The following MAGI2 variants were observed in gnomAD, a reference collection of about 807,000 sequenced individuals.
The protein encoded by MAGI2 is membrane associated guanylate kinase, WW and PDZ domain containing 2.
MAGI2 carries 35 observed loss-of-function variants against 133.3 expected under a neutral mutation model. The observed-to-expected ratio is 0.26, with a 90% CI of 0.20 to 0.35. MAGI2 has a LOEUF of 0.35. MAGI2 is among the 10% of genes least tolerant of loss of function. The probability of loss-of-function intolerance (pLI) is 1.00; values close to 1 mark genes in which losing one functional copy is unlikely to be tolerated. For missense variants in MAGI2, 1,636 were observed against 1,863.4 expected, an observed-to-expected ratio of 0.88 and a Z score of 2.25; for synonymous variants, 729 against 710.6, an observed-to-expected ratio of 1.03 and a Z score of -0.41.
chr7:78,107,128 A>G (rs1310731386), intron 20 of MAGI2, among the ~76,000 whole-genome samples: 1 of 152,000 alleles, frequency 6.6e-6, no homozygotes, highest in African/African-American at 2.4e-5. Context: ...TCCCCAATGT[A>G]TGTTCTTGGC....
chr7:78,150,036 T>A (rs1015508304), intron 16 of MAGI2, among the ~76,000 whole-genome samples: 1 of 152,322 alleles, frequency 6.6e-6, no homozygotes, highest in African/African-American at 2.4e-5. Context: ...TCCAACCAAG[T>A]ACTCAGAATA....
intron 2 of MAGI2, among the ~76,000 whole-genome samples, chr7:78,975,491 A>G (rs1462475892): frequency 2.6e-5 from 4 of 151,758 alleles, no homozygotes; most frequent in Non-Finnish European, 5.9e-5. Flanking sequence ...GAATGAAAAT[A>G]TAATTTATCA....
chr7:78,419,411 G>A (rs114409183), intron 6 of MAGI2, among the ~76,000 whole-genome samples: 122 of 151,968 alleles, frequency 8.0e-4, no homozygotes, highest in African/African-American at 2.9e-3. Context: ...GTGTGTGTGT[G>A]TGTAAGGAGA....
chr7:78,048,976 C>T (rs1037499664), intron 21 of MAGI2, among the ~76,000 whole-genome samples: 3 of 151,734 alleles, frequency 2.0e-5, no homozygotes, highest in Non-Finnish European at 4.4e-5. Flanking sequence ...GGCGTGGTGG[C>T]GTGCGCCTGT....
intron 1 of MAGI2, among the ~76,000 whole-genome samples, chr7:79,315,426 C>T (rs1156409475): frequency 5.3e-5 from 8 of 151,204 alleles, no homozygotes; most frequent in African/African-American, 1.7e-4. Context: ...CCACCCGCCT[C>T]AGCCCTCCAA....
intron 2 of MAGI2, among the ~76,000 whole-genome samples, chr7:78,659,424 C>CA (rs71085553): frequency 0.076 from 1,792 of 23,682 alleles, 390 homozygotes; most frequent in African/African-American, 0.18. Flanking sequence ...GACTTCATCT[C>CA]AAAAAAAAAA....
intron 1 of MAGI2, among the ~76,000 whole-genome samples, chr7:79,171,062 A>G (rs1299266790): frequency 6.6e-6 from 1 of 152,098 alleles, no homozygotes; most frequent in East Asian, 1.9e-4. Flanking sequence ...AGTGGATACA[A>G]TTGGAAGCTA....
intron 1 of MAGI2, among the ~76,000 whole-genome samples, chr7:79,170,918 T>C (rs1825476253): frequency 6.6e-6 from 1 of 152,158 alleles, no homozygotes; most frequent in South Asian, 2.1e-4. Flanking sequence ...TAGCTTAACA[T>C]TTATATTGTG....
chr7:78,491,696 G>A (rs961360926), intron 5 of MAGI2, among the ~76,000 whole-genome samples: 3 of 151,916 alleles, frequency 2.0e-5, no homozygotes, highest in South Asian at 2.1e-4. Flanking sequence ...TCTGGCCCTC[G>A]TTTGCATGTC....
At chr7:78,981,621 A>G (rs1371766902) in intron 2 of MAGI2, among the ~76,000 whole-genome samples, 1 of 151,672 alleles carries the variant, frequency 6.6e-6, no homozygotes, top group Non-Finnish European at 1.5e-5. Flanking sequence ...GTTGCATCCG[A>G]CTTTTTCAGA....
chr7:78,955,667 TCCTTCCTTCCTCCCTCCCTCC>T (rs2115640110), intron 2 of MAGI2, among the ~76,000 whole-genome samples: 1 of 149,544 alleles, frequency 6.7e-6, no homozygotes, highest in South Asian at 2.2e-4. Context: ...CTTCCTTCTT[TCCTTCCTTCCTCCCTCCCTCC>T]CTTTCTCTCT....
intron 6 of MAGI2, among the ~76,000 whole-genome samples, chr7:78,415,184 T>TTATAATTATAA (rs1346591264): frequency 1.3e-5 from 2 of 152,096 alleles, no homozygotes; most frequent in Non-Finnish European, 2.9e-5. Context: ...AGGAATAAGA[T>TTATAATTATAA]TAAGTTATAT....
intron 21 of MAGI2, among the ~76,000 whole-genome samples, chr7:78,032,577 T>C (rs927431717): frequency 1.3e-5 from 2 of 152,156 alleles, no homozygotes; most frequent in African/African-American, 4.8e-5. Context: ...AAAATATGCC[T>C]GTGAAGAAAG....
intron 14 of MAGI2, among the ~76,000 whole-genome samples, chr7:78,174,258 G>A (rs1012315827): frequency 6.6e-6 from 1 of 152,188 alleles, no homozygotes; most frequent in Non-Finnish European, 1.5e-5. Flanking sequence ...GGAGCTCAGA[G>A]ATTAGTAAAA....
intron 3 of MAGI2, among the ~76,000 whole-genome samples, chr7:78,553,856 C>T (rs1460620743): frequency 2.6e-5 from 4 of 152,092 alleles, no homozygotes; most frequent in African/African-American, 4.8e-5. Flanking sequence ...TGTATTTGTC[C>T]TACTCCAGGA....
chr7:78,391,069 A>C (rs1354960744), intron 6 of MAGI2, among the ~76,000 whole-genome samples: 1 of 152,196 alleles, frequency 6.6e-6, no homozygotes, highest in Non-Finnish European at 1.5e-5. Context: ...AGCCACATGC[A>C]AGGAAAGACT....
chr7:78,282,869 C>G (rs536981455), intron 9 of MAGI2, among the ~76,000 whole-genome samples: 2 of 151,852 alleles, frequency 1.3e-5, no homozygotes, highest in African/African-American at 4.8e-5. Flanking sequence ...AACATTAAAC[C>G]AAAATGGATC....
chr7:79,007,519 T>C (rs946119247), intron 1 of MAGI2, among the ~76,000 whole-genome samples: 3 of 152,130 alleles, frequency 2.0e-5, no homozygotes, highest in African/African-American at 7.2e-5. Flanking sequence ...GTACATCTCA[T>C]TGCATGGCTA....
intron 1 of MAGI2, among the ~76,000 whole-genome samples, chr7:79,249,923 C>T (rs551576880): frequency 2.6e-5 from 4 of 151,960 alleles, no homozygotes; most frequent in Admixed American, 1.3e-4. Flanking sequence ...ACTAGCAAAC[C>T]AATTTCAAAA....
Sources: allele counts gnomAD v4.1 joint callset (sites outside exome capture counted in the v4.1 genomes callset), GRCh38; gene constraint gnomAD v4.1.1; transcripts MANE v1.5; gene names NCBI Gene and HGNC (gene_info 2026-07-23, HGNC 2026-07-21).